The following VPS13A variants were observed in gnomAD, a reference collection of about 807,000 sequenced individuals.
VPS13A encodes the protein vacuolar protein sorting 13 homolog A.
VPS13A carries 264 observed loss-of-function variants against 390.9 expected under a neutral mutation model. The observed-to-expected ratio is 0.68, with a 90% CI of 0.61 to 0.75. The LOEUF (loss-of-function observed/expected upper bound fraction) is 0.75, where lower values mean the gene tolerates loss of function less well. VPS13A is among the 30% of genes least tolerant of loss of function. The probability of loss-of-function intolerance (pLI) is 0.00; values close to 1 mark genes in which losing one functional copy is unlikely to be tolerated. For synonymous variants in VPS13A, 1,231 were observed against 1,227.1 expected (o/e 1.00, Z -0.07); for missense variants, 3,409 against 3,733.9 (o/e 0.91, Z 2.27).
At position 77,209,423 on chromosome 9, in the gene VPS13A, A is replaced by G; in HGVS notation, c.386A>G (p.Glu129Gly). 1 of 1,605,664 alleles carries G rather than the reference A, an allele frequency of 6.2e-7. No homozygotes were observed. The change falls in exon 6 of 72, where the codon GAA becomes GGA. Residue 129 changes from glutamate to glycine, a missense_variant and splice_region_variant. Physicochemically the swap from Glu to Gly is moderately conservative, Grantham distance 98. Coordinates refer to ENST00000360280, the MANE Select transcript of VPS13A (RefSeq NM_033305.3). ...AAAAAAGGAATATTTGCAATTGTAG[A>G]ACAACATCTGCCGGAAAAACAGGAC... ...EEAKQKVVDQ[E>G]QHLPEKQDTF...
In VPS13A at chr9:77,225,416, A is replaced by G. The variant is rs116016859; in HGVS notation, c.1162-510A>G. ...CAGGCATGTGCCACCATGCCTAGCT[A>G]ATTTGTATATGTTTTGTAGAGGTTT... On this transcript the variant is annotated intron_variant, in intron 13 of 71. Transcript: ENST00000360280. Among the ~76,000 whole-genome samples, 863 of 152,034 alleles carry G rather than the reference A, an allele frequency of 5.7e-3. 5 individuals are homozygous for G. The highest frequency in any genetic ancestry group is 0.02 in the African/African-American group (827 of 41,480).
intron 1 of VPS13A, among the ~76,000 whole-genome samples, chr9:77,191,146 A>G (rs1289575024): frequency 1.3e-5 from 2 of 151,996 alleles, no homozygotes; most frequent in East Asian, 1.9e-4. Flanking sequence ...TGTTAACTTT[A>G]TATCTTTCTA....
intron 33 of VPS13A, among the ~76,000 whole-genome samples, chr9:77,299,550 T>C (rs1828222059): frequency 6.6e-6 from 1 of 152,118 alleles, no homozygotes; most frequent in Non-Finnish European, 1.5e-5. Flanking sequence ...GAAATACCAT[T>C]TGACCCAGCC....
At chr9:77,283,964 CTTT>C (rs779066797) in intron 31 of VPS13A, among the ~76,000 whole-genome samples, 23 of 129,578 alleles carry the variant, frequency 1.8e-4, no homozygotes, top group Admixed American at 1.5e-4. Context: ...ACCTTTTTCA[CTTT>C]TTTTTTTTTT....
Position 77,337,540 on chromosome 9 carries a change from A to G in VPS13A, c.6378+3A>G. The G allele has an allele frequency of 6.2e-7, 1 of 1,609,356 alleles. No homozygotes were observed. The stretch of plus-strand genomic sequence containing the variant: ...ACAAAATTGCTTATTATATAGAGGT[A>G]TCGGCAAACTGATTTAGTGCCTTCC... On this transcript the variant is annotated splice_donor_region_variant and intron_variant, in intron 47 of 71. Transcript: ENST00000360280.
Position 77,281,944 on chromosome 9 carries a change from A to AT in VPS13A, c.2964+24dup. On this transcript the variant is annotated intron_variant, in intron 28 of 71. Coordinates refer to ENST00000360280, the MANE Select transcript of VPS13A (RefSeq NM_033305.3). ...TGATTAAGGTATGAGTAGATAATTT[A>AT]TTTTTTAATTATGTACTATTTCTTA... The AT allele has an allele frequency of 6.8e-7, 1 of 1,480,072 alleles. No individual in the cohort carries two copies. 91.7% of individuals were successfully genotyped at this position (1,480,072 alleles called of 1,614,324 possible). A position where few individuals can be genotyped will look rare whatever the true frequency, so the allele number is the denominator to read the frequency against.
At chr9:77,306,039 T>A (rs1463549557) in intron 34 of VPS13A, among the ~76,000 whole-genome samples, 1 of 151,154 alleles carries the variant, frequency 6.6e-6, no homozygotes, top group Non-Finnish European at 1.5e-5. Flanking sequence ...TAATATTTAT[T>A]TTCATCTTAT....
chr9:77,409,800 A>C (rs1449196349), intron 71 of VPS13A, among the ~76,000 whole-genome samples: 1 of 151,336 alleles, frequency 6.6e-6, no homozygotes, highest in African/African-American at 2.4e-5. Flanking sequence ...CTATGTGAAA[A>C]GACCAAATCT....
intron 1 of VPS13A, among the ~76,000 whole-genome samples, chr9:77,193,024 G>A (rs930821187): frequency 6.6e-6 from 1 of 152,112 alleles, no homozygotes; most frequent in Non-Finnish European, 1.5e-5. Context: ...GTTTTTGGGA[G>A]ATTTTTTTCC....
chr9:77,323,707 C>T (rs767466772), intron 45 of VPS13A, among the ~76,000 whole-genome samples: 6 of 152,082 alleles, frequency 3.9e-5, no homozygotes, highest in Admixed American at 2.0e-4. Context: ...TTCTGTTTCC[C>T]CACTTTCCCA....
intron 5 of VPS13A, among the ~76,000 whole-genome samples, chr9:77,206,358 TATAC>T (rs1825643466): frequency 6.8e-6 from 1 of 145,994 alleles, no homozygotes; most frequent in African/African-American, 2.5e-5. Context: ...CACACACACA[TATAC>T]ATACTAGGTA....
chr9:77,368,842 G>A (rs993791149), intron 62 of VPS13A, among the ~76,000 whole-genome samples: 1 of 152,144 alleles, frequency 6.6e-6, no homozygotes, highest in African/African-American at 2.4e-5. Flanking sequence ...GCTAAGAATA[G>A]CGATCAATAA....
chr9:77,336,802 CTT>C (rs1221241397), intron 46 of VPS13A, among the ~76,000 whole-genome samples: 2,423 of 107,836 alleles, frequency 0.022, 20 homozygotes, highest in African/African-American at 0.049. Flanking sequence ...ATTTATCTAT[CTT>C]TTTTTTTTTT....
In VPS13A at chr9:77,317,693, C is replaced by T; in HGVS notation, c.4951C>T (p.Leu1651=). 3.8e-6 allele frequency: 6 copies of T among 1,585,552 alleles called. No homozygotes were observed. Among genetic ancestry groups the T allele is most frequent in the Non-Finnish European group, 5.2e-6 (6 of 1,163,228 alleles). ...VIDMSVKSLT[L]KVSPVIINTM... ...CGATATGTCAGTAAAATCCCTGACA[C>T]TAAAGGTAAATTAAAATATAATCAT... is the stretch of plus-strand genomic sequence containing the variant. Residue 1651 remains leucine, a synonymous_variant, in exon 40 of 72, where the codon CTA becomes TTA. Coordinates refer to ENST00000360280, the MANE Select transcript of VPS13A (RefSeq NM_033305.3).
At position 77,339,284 on chromosome 9, in the gene VPS13A, A is replaced by C. The variant is rs1830691993; in HGVS notation, c.6379-232A>C. 1.9e-5 allele frequency: 10 copies of C among 515,304 alleles called. No individual in the cohort carries two copies. The South Asian group carries it at 2.9e-4, about 15-fold the overall frequency. The allele number at this position is 515,304 out of a possible 1,614,324, so 31.9% of individuals were successfully genotyped here. A position where few individuals can be genotyped will look rare whatever the true frequency, so the allele number is the denominator to read the frequency against. On this transcript the variant is annotated intron_variant, in intron 47 of 71. Coordinates refer to ENST00000360280, the MANE Select transcript of VPS13A (RefSeq NM_033305.3). ...TTAATCTTCACAGTTTGTCCTTTGAAGTAAGTCATTTAGACCATTTTACAA... is the reference window on the plus strand; with the variant it reads ...TTAATCTTCACAGTTTGTCCTTTGACGTAAGTCATTTAGACCATTTTACAA...
chr9:77,266,608 T>A (rs921942980), intron 23 of VPS13A, among the ~76,000 whole-genome samples: 1 of 152,230 alleles, frequency 6.6e-6, no homozygotes, highest in Non-Finnish European at 1.5e-5. Context: ...TTCTTTCATT[T>A]CAACCTTGGT....
At chr9:77,244,143 CTG>C (rs202104451) in intron 19 of VPS13A, among the ~76,000 whole-genome samples, 2,450 of 152,262 alleles carry the variant, frequency 0.016, 26 homozygotes, top group Middle Eastern at 0.031. Context: ...CAGGCTGAGA[CTG>C]GAGGATTGCT....
At chr9:77,293,249 CT>C in intron 31 of VPS13A, 91 bp from the exon 32 acceptor site, 1 of 1,171,228 alleles carries the variant, frequency 8.5e-7, no homozygotes, top group Non-Finnish European at 1.2e-6. Context: ...GATTTTCTAA[CT>C]ATGTTTTGTT....
chr9:77,314,186 G>A, intron 36 of VPS13A, 67 bp downstream of exon 36: 1 of 1,541,544 alleles, frequency 6.5e-7, no homozygotes, highest in East Asian at 2.3e-5. Flanking sequence ...TGTTTTTAAA[G>A]TAACAAATGT....
Sources: allele counts gnomAD v4.1 joint callset (sites outside exome capture counted in the v4.1 genomes callset), GRCh38; gene constraint gnomAD v4.1.1; transcripts MANE v1.5; gene names NCBI Gene and HGNC (gene_info 2026-07-23, HGNC 2026-07-21).